LMO7: variants seen among roughly 807,000 people sequenced by gnomAD.
LMO7 encodes the protein LIM domain 7.
Under a neutral mutation model 206.5 loss-of-function variants are expected in LMO7, and 120 were observed. That is an observed-to-expected ratio of 0.58 (90% CI 0.50 to 0.68). The LOEUF (loss-of-function observed/expected upper bound fraction) is 0.68. LMO7 is among the 30% of genes least tolerant of loss of function. The pLI is 0.00. For missense variants in LMO7, 1,959 were observed against 1,957.9 expected (o/e 1.00, Z -0.01); for synonymous variants, 706 against 681.5 (o/e 1.04, Z -0.56).
chr13:75,653,694 G>A (rs73225911), intron 1 of LMO7, among the ~76,000 whole-genome samples: 5,690 of 152,314 alleles, frequency 0.037, 167 homozygotes, highest in Middle Eastern at 0.065. Context: ...GTAGCAGTCT[G>A]TAGTGGCTCA....
intron 4 of LMO7, among the ~76,000 whole-genome samples, chr13:75,777,769 C>T (rs1242315554): frequency 2.0e-5 from 3 of 151,788 alleles, no homozygotes; most frequent in Non-Finnish European, 2.9e-5. Context: ...CCTCAGCCTC[C>T]CGAGTAGCTG....
At chr13:75,660,491 T>C (rs2038478795) in intron 1 of LMO7, among the ~76,000 whole-genome samples, 1 of 152,156 alleles carries the variant, frequency 6.6e-6, no homozygotes, top group South Asian at 2.1e-4. Context: ...AAATCCTCCT[T>C]CTTGTTTCTT....
intron 4 of LMO7, among the ~76,000 whole-genome samples, chr13:75,785,939 A>G (rs1299549085): frequency 6.6e-6 from 1 of 152,202 alleles, no homozygotes; most frequent in African/African-American, 2.4e-5. Flanking sequence ...CTTCAGGAAT[A>G]TCAGTGGTTT....
At chr13:75,741,060 A>G (rs1263744313) in intron 3 of LMO7, among the ~76,000 whole-genome samples, 1 of 152,146 alleles carries the variant, frequency 6.6e-6, no homozygotes, top group East Asian at 1.9e-4. Context: ...TCATTTCCTA[A>G]TAGAGACAGT....
chr13:75,781,072 T>C (rs1429281234), intron 4 of LMO7, among the ~76,000 whole-genome samples: 1 of 150,438 alleles, frequency 6.6e-6, no homozygotes, highest in Non-Finnish European at 1.5e-5. Flanking sequence ...CTTGGGAGTA[T>C]TTTTTTAACC....
rs80225620 is a variant in LMO7 at position 75,745,768 on chromosome 13, G to A, written c.211-15164G>A. Among the ~76,000 whole-genome samples the A allele has an allele frequency of 4.1e-3, 629 of 152,286 alleles. 6 individuals are homozygous for A. The highest frequency in any genetic ancestry group is 0.014 in the African/African-American group (602 of 41,552). On this transcript the variant is annotated intron_variant, in intron 3 of 30. Transcript: ENST00000377534. The stretch of plus-strand genomic sequence containing the variant: ...CAAGAGGGAACTCTTCTGCCTGACT[G>A]CTGGAGTTTGAACTGAAACATTGGC...
At chr13:75,681,664 G>GTTTTGTC (rs1250202401) in intron 1 of LMO7, among the ~76,000 whole-genome samples, 1 of 132,938 alleles carries the variant, frequency 7.5e-6, no homozygotes, top group Non-Finnish European at 1.6e-5. Context: ...GGTAACTGTA[G>GTTTTGTC]TTTTGTCTTT....
chr13:75,630,721 G>A (rs1183987774), intron 2 of LMO7, among the ~76,000 whole-genome samples: 2 of 152,132 alleles, frequency 1.3e-5, no homozygotes, highest in African/African-American at 2.4e-5. Flanking sequence ...GTTCAGTGAT[G>A]TTTTTCCCAA....
At chr13:75,809,252 C>G in intron 11 of LMO7, 69 bp downstream of exon 11, 1 of 1,362,232 alleles carries the variant, frequency 7.3e-7, no homozygotes, top group Non-Finnish European at 1.0e-6. Flanking sequence ...TACTGTATTT[C>G]TGGCATGGCA....
intron 3 of LMO7, among the ~76,000 whole-genome samples, chr13:75,754,192 T>G (rs1183349378): frequency 6.6e-6 from 1 of 152,222 alleles, no homozygotes; most frequent in Non-Finnish European, 1.5e-5. Context: ...CATTTCCTCC[T>G]CCTCCATTCA....
intron 19 of LMO7, among the ~76,000 whole-genome samples, chr13:75,836,824 T>C (rs1444143842): frequency 1.3e-5 from 2 of 152,200 alleles, no homozygotes; most frequent in East Asian, 1.9e-4. Context: ...TCTTCTTTAT[T>C]GTGAAAGGGA....
At chr13:75,758,857 G>A (rs1453064179) in intron 3 of LMO7, among the ~76,000 whole-genome samples, 1 of 152,156 alleles carries the variant, frequency 6.6e-6, no homozygotes, top group Non-Finnish European at 1.5e-5. Flanking sequence ...CAAATTGGTT[G>A]AATTGGTGTG....
intron 3 of LMO7, among the ~76,000 whole-genome samples, chr13:75,728,218 G>A (rs541869339): frequency 6.6e-6 from 1 of 152,296 alleles, no homozygotes; most frequent in Admixed American, 6.5e-5. Flanking sequence ...CACAATGGAT[G>A]AACTAGTTTA....
intron 1 of LMO7, among the ~76,000 whole-genome samples, chr13:75,712,368 G>A (rs1000419216): frequency 2.0e-5 from 3 of 152,172 alleles, no homozygotes; most frequent in African/African-American, 7.2e-5. Context: ...CTCAGTCCCA[G>A]GGGTTGTTCT....
intron 1 of LMO7, among the ~76,000 whole-genome samples, chr13:75,703,373 A>AAT (rs2042413862): frequency 6.6e-6 from 1 of 152,146 alleles, no homozygotes; most frequent in East Asian, 1.9e-4. Flanking sequence ...GGGGAATAGG[A>AAT]GGTAAGTCAC....
At position 75,855,235 on chromosome 13, in the gene LMO7, C is replaced by G. The variant is rs114415149; in HGVS notation, c.4662-25C>G. 4.4e-4 allele frequency: 639 copies of G among 1,438,842 alleles called. 5 individuals carry two copies. The African/African-American group carries it at 7.8e-3, about 18-fold the overall frequency. 89.1% of individuals were successfully genotyped at this position (1,438,842 alleles called of 1,614,324 possible). ...CTTGAGCTGCCCAGGTGAAAGCCTC[C>G]ATTCCATTCTTGTTCTGCATCTAGG... On this transcript the variant is annotated intron_variant, in intron 28 of 30. Coordinates refer to ENST00000377534, the MANE Select transcript of LMO7 (RefSeq NM_001306080.2).
At chr13:75,670,966 C>CTTTTTTTTTTT (rs552236505) in intron 1 of LMO7, among the ~76,000 whole-genome samples, 24 of 100,084 alleles carry the variant, frequency 2.4e-4, no homozygotes, top group Non-Finnish European at 2.5e-4. Flanking sequence ...ATGTTTAAAA[C>CTTTTTTTTTTT]TTTTTTTTTT....
intron 27 of LMO7, among the ~76,000 whole-genome samples, chr13:75,849,499 T>C (rs930165919): frequency 1.9e-4 from 28 of 146,026 alleles, no homozygotes; most frequent in African/African-American, 6.2e-4. Context: ...TTTTTTTTTT[T>C]CTTTTTTTTT....
At chr13:75,659,421 A>G (rs1470736291) in intron 1 of LMO7, among the ~76,000 whole-genome samples, 1 of 152,228 alleles carries the variant, frequency 6.6e-6, no homozygotes, top group Admixed American at 6.5e-5. Flanking sequence ...GACTGGGAAG[A>G]AAAAGAGGTT....
Sources: gnomAD v4.1 joint callset for allele counts (sites outside exome capture counted in the v4.1 genomes callset) on GRCh38, gnomAD v4.1.1 for gene constraint, MANE v1.5 for transcripts, NCBI Gene and HGNC (gene_info 2026-07-23, HGNC 2026-07-21) for gene names.